DUSP15: variants seen among roughly 807,000 people sequenced by gnomAD.
The protein encoded by DUSP15 is dual specificity phosphatase 15, also known as dual specificity protein phosphatase 15.
A neutral mutation model predicts 26.3 loss-of-function variants in DUSP15; 23 were observed. That is an observed-to-expected ratio of 0.87 (90% confidence interval 0.63 to 1.24). DUSP15 has a LOEUF of 1.24. DUSP15 is among the 50% of genes most tolerant of loss of function. The pLI, the probability that DUSP15 is intolerant of heterozygous loss-of-function variation, is 0.00. For synonymous variants in DUSP15, 143 were observed against 135.5 expected, an observed-to-expected ratio of 1.06 and a Z score of -0.39; for missense variants, 364 against 320.6, an observed-to-expected ratio of 1.14 and a Z score of -1.03.
chr20:31,848,017 A>G (rs982643978), exon 10 of DUSP15: 40 of 169,942 alleles, frequency 2.4e-4, no homozygotes, highest in Non-Finnish European at 5.0e-5. Flanking sequence ...TTGATCCCAC[A>G]CTAAACAACC....
At chr20:31,865,515 T>G (rs1025411928) in intron 3 of DUSP15, among the ~76,000 whole-genome samples, 5 of 152,244 alleles carry the variant, frequency 3.3e-5, no homozygotes, top group African/African-American at 1.2e-4. Context: ...TGTCCTTTGT[T>G]TCCTGATTAG....
At chr20:31,850,626 C>T in exon 7 of DUSP15, 1 of 1,611,730 alleles carries the variant, frequency 6.2e-7, no homozygotes, top group Non-Finnish European at 8.5e-7. Flanking sequence ...TTGCTGAAGT[C>T]ATCGGAGGGC....
rs373217307 is a variant in DUSP15, at chr20:31,861,473, G to A, written c.638C>T (p.Pro213Leu). 1.3e-6 allele frequency: 2 copies of A among 1,544,752 alleles called. No homozygotes were observed. Among genetic ancestry groups the A allele is most frequent in the African/African-American group, 1.4e-5 (1 of 71,360 alleles). The change falls in exon 7 of 7, where the codon CCG becomes CTG. Residue 213 changes from proline (P) to leucine (L), a missense_variant. Pro to Leu is a moderately conservative substitution (Grantham distance 98). Coordinates refer to ENST00000339738, the MANE Select transcript of DUSP15 (RefSeq NM_080611.5). ...AGTCTGCTTGACGCGCGCCAGCAGCGGCAGCGGCCGGTGGGCTTCCCGGGG... is the reference window on the plus strand; with the variant it reads ...AGTCTGCTTGACGCGCGCCAGCAGCAGCAGCGGCCGGTGGGCTTCCCGGGG... ...RTPREAHRPL[P>L]LLARVKQTFS...
downstream of DUSP15, among the ~76,000 whole-genome samples, chr20:31,859,302 G>T (rs1023539948): frequency 2.7e-5 from 4 of 146,152 alleles, no homozygotes; most frequent in African/African-American, 7.7e-5. Context: ...ATTTTTTTGG[G>T]GGGGGGGGAT....
chr20:31,853,807 C>G (rs866749969), intron 6 of DUSP15, among the ~76,000 whole-genome samples: 4 of 152,086 alleles, frequency 2.6e-5, no homozygotes, highest in Middle Eastern at 3.4e-3. Flanking sequence ...CACTATGTTG[C>G]CCAGGTGGTT....
In DUSP15 at chr20:31,864,979, C is replaced by T. The variant is rs4911536; in HGVS notation, c.162G>A (p.Pro54=). ...TGGGTACCTCAGGGGTATCAGCGAC[C>T]GGGATGCGAAGGTAGGTGATATCCT... ...LLQDITYLRI[P]VADTPEVPIK... The change falls in exon 4 of 7, where the codon CCG becomes CCA. Residue 54 remains proline, a synonymous_variant. Transcript: ENST00000339738. 474,966 of 1,612,748 alleles carry T rather than the reference C, an allele frequency of 0.29. 71,758 individuals carry two copies. The highest frequency in any genetic ancestry group is 0.39 in the South Asian group (35,418 of 90,940).
chr20:31,861,699 CGGGGTCAAGGCCGG>C, intron 6 of DUSP15, 24 bp from the exon 7 acceptor site: 2 of 214,918 alleles, frequency 9.3e-6, no homozygotes, highest in Non-Finnish European at 1.6e-5. Context: ...GTGAGGTGGG[CGGGGTCAAGGCCGG>C]CGCGGGGCGG....
At chr20:31,853,776 T>A (rs2062514309) in intron 6 of DUSP15, among the ~76,000 whole-genome samples, 1 of 151,892 alleles carries the variant, frequency 6.6e-6, no homozygotes, top group Non-Finnish European at 1.5e-5. Flanking sequence ...AGTAAAATAT[T>A]TTTTGTAGAG....
At chr20:31,848,606 T>TC in intron 9 of DUSP15, 1 of 1,514,986 alleles carries the variant, frequency 6.6e-7, no homozygotes, top group South Asian at 1.3e-5. Context: ...CCTCTCCATT[T>TC]CCCGCCTCGG....
chr20:31,867,314 G>T (rs1237389319), intron 2 of DUSP15, among the ~76,000 whole-genome samples, 161 bp from the exon 3 acceptor site: 1 of 152,210 alleles, frequency 6.6e-6, no homozygotes, highest in Non-Finnish European at 1.5e-5. Flanking sequence ...TGGGGCACAT[G>T]CAAGTAACAG....
intron 2 of DUSP15, among the ~76,000 whole-genome samples, chr20:31,867,819 G>A (rs1002372900): frequency 7.2e-5 from 11 of 151,776 alleles, no homozygotes; most frequent in Admixed American, 5.3e-4. Flanking sequence ...TAATTTTTTT[G>A]CATTTTTAGT....
intron 1 of DUSP15, 118 bp from the exon 2 acceptor site, chr20:31,869,715 C>T: frequency 6.5e-7 from 1 of 1,531,878 alleles, no homozygotes. Context: ...CCTCAGGGCT[C>T]AGGGAGCACT....
At chr20:31,866,135 G>A (rs2062759783) in intron 3 of DUSP15, among the ~76,000 whole-genome samples, 1 of 152,156 alleles carries the variant, frequency 6.6e-6, no homozygotes, top group Admixed American at 6.5e-5. Flanking sequence ...CTAGAGAAGG[G>A]AAGGACCTTG....
intron 6 of DUSP15, among the ~76,000 whole-genome samples, chr20:31,854,731 G>C (rs1341363891): frequency 6.6e-6 from 1 of 152,226 alleles, no homozygotes; most frequent in Admixed American, 6.5e-5. Context: ...TGAGCAGCCT[G>C]GTGTTGCCCT....
chr20:31,850,257 T>C (rs865816257), intron 7 of DUSP15, among the ~76,000 whole-genome samples: 47 of 152,314 alleles, frequency 3.1e-4, no homozygotes, highest in Middle Eastern at 3.4e-3. Flanking sequence ...CCAGCAATCC[T>C]GCTCAGTGGT....
chr20:31,847,490 G>A (rs941892054), downstream of DUSP15: 1 of 152,202 alleles, frequency 6.6e-6, no homozygotes, highest in Admixed American at 6.5e-5. Context: ...GCAATTGATT[G>A]ATTTCTGTCC....
At chr20:31,864,013 T>C (rs2062716099) in intron 4 of DUSP15, 32 bp from the exon 5 acceptor site, 1 of 1,611,868 alleles carries the variant, frequency 6.2e-7, no homozygotes, top group African/African-American at 1.3e-5. Context: ...TAGGGAGCAC[T>C]GCAGGGCAGA....
chr20:31,863,834 G>C lies in DUSP15; in HGVS notation c.263+73C>G, dbSNP rs553135362. ...CCTCACAGGTCCAACCTTCCCACAG[G>C]GGGAGTGTGTGTTCAGCAGAGGGCA... is the stretch of plus-strand genomic sequence containing the variant. On this transcript the variant is annotated intron_variant, in intron 5 of 6. Transcript: ENST00000339738. 30 of 1,445,020 alleles carry C rather than the reference G, an allele frequency of 2.1e-5. No individual in the cohort carries two copies. The East Asian group carries it at 5.9e-4, about 29-fold the overall frequency. 89.5% of individuals were successfully genotyped at this position (1,445,020 alleles called of 1,614,324 possible).
At chr20:31,865,425 T>C (rs2062747061) in intron 3 of DUSP15, among the ~76,000 whole-genome samples, 3 of 152,246 alleles carry the variant, frequency 2.0e-5, no homozygotes, top group African/African-American at 7.2e-5. Context: ...TCAGGAATCA[T>C]GGTTATAAAA....
Sources: gnomAD v4.1 joint callset for allele counts (sites outside exome capture counted in the v4.1 genomes callset) on GRCh38, gnomAD v4.1.1 for gene constraint, MANE v1.5 for transcripts, NCBI Gene and HGNC (gene_info 2026-07-23, HGNC 2026-07-21) for gene names.